The following LGI3 variants were observed in gnomAD, a reference collection of about 807,000 sequenced individuals.
LGI3 encodes the protein leucine rich repeat LGI family member 3, also known as leucine-rich repeat LGI family member 3.
A neutral mutation model predicts 55.4 loss-of-function variants in LGI3; 47 were observed. The ratio of observed to expected loss-of-function variants is 0.85; its 90% CI spans 0.67 to 1.08. LGI3 has a LOEUF of 1.08. Among genes scored for constraint, LGI3 ranks in the 50% least tolerant of loss-of-function variants. LGI3 has a pLI of 0.00. For synonymous variants in LGI3, 326 were observed against 315.0 expected, an observed-to-expected ratio of 1.04 and a Z score of -0.37; for missense variants, 664 against 726.3, an observed-to-expected ratio of 0.91 and a Z score of 0.99.
In LGI3 at chr8:22,156,523, C is replaced by T. The variant is rs1440460139; in HGVS notation, c.20G>A (p.Arg7Lys). The part of the protein sequence containing the change: MAGLRA[R>K]GGPGPGLLAL... ...CAGCAGCCCCGGCCCCGGGCCCCCCCTGGCCCGCAGCCCCGCCATGCTGCC... is the reference window on the plus strand; with the variant it reads ...CAGCAGCCCCGGCCCCGGGCCCCCCTTGGCCCGCAGCCCCGCCATGCTGCC... Residue 7 changes from arginine (R) to lysine (K), a missense_variant, in exon 1 of 8, where the codon AGG becomes AAG. Physicochemically the swap from Arg to Lys is conservative, Grantham distance 26 (BLOSUM62 2). Transcript: ENST00000306317. 4.1e-5 allele frequency: 55 copies of T among 1,355,726 alleles called. No individual in the cohort carries two copies. Among genetic ancestry groups the T allele is most frequent in the Non-Finnish European group, 5.1e-5 (54 of 1,051,580 alleles). 84.0% of individuals were successfully genotyped at this position (1,355,726 alleles called of 1,614,324 possible).
intron 7 of LGI3, among the ~76,000 whole-genome samples, chr8:22,150,581 A>G (rs1208257981): frequency 1.3e-5 from 2 of 151,948 alleles, no homozygotes; most frequent in African/African-American, 2.4e-5. Flanking sequence ...GATGGTCTCA[A>G]TCTCCTGACC....
Position 22,151,815 on chromosome 8 carries a change from C to A in LGI3, c.664+16G>T. 1.3e-6 allele frequency: 2 copies of A among 1,593,840 alleles called. No homozygotes were observed. Among genetic ancestry groups the A allele is most frequent in the South Asian group, 1.1e-5 (1 of 88,712 alleles). ...GGTAGGCGTGGACTGACACCCAAGG[C>A]AGGGGCACCTCCTACCTGTGGTGAT... On this transcript the variant is annotated intron_variant, in intron 6 of 7. Coordinates refer to ENST00000306317, the MANE Select transcript of LGI3 (RefSeq NM_139278.4).
intron 2 of LGI3, chr8:22,154,899 G>T (rs541179093): frequency 2.2e-4 from 113 of 508,344 alleles, no homozygotes; most frequent in African/African-American, 2.1e-3. Context: ...CTCCCGGGTG[G>T]CATCTCCTCT....
At position 22,152,332 on chromosome 8, in the gene LGI3, A is replaced by G. The variant is rs542741139; in HGVS notation, c.495-332T>C. Among the ~76,000 whole-genome samples, 28 of 152,346 alleles carry G rather than the reference A, an allele frequency of 1.8e-4. No individual in the cohort carries two copies. The South Asian group carries it at 4.8e-3, about 26-fold the overall frequency. On this transcript the variant is annotated intron_variant, in intron 5 of 7. Transcript: ENST00000306317. ...CAAGGCTTTTATTTTCTTATAAATAACAATAAATGAGTGTGGCTCTGCTAT... is the reference window on the plus strand; with the variant it reads ...CAAGGCTTTTATTTTCTTATAAATAGCAATAAATGAGTGTGGCTCTGCTAT...
Position 22,148,189 on chromosome 8 carries a change from T to C in LGI3, c.1618A>G (p.Arg540Gly). ...PSFKGQTLVY[R>G]HIVVDLSA ...GCACTGAGATCCACCACAATGTGTC[T>C]ATACACCAGCGTCTGTCCCTTGAAG... The change falls in exon 8 of 8, where the codon AGA becomes GGA. Residue 540 changes from arginine to glycine, a missense_variant. Physicochemically the swap from Arg to Gly is moderately radical, Grantham distance 125. Coordinates refer to ENST00000306317, the MANE Select transcript of LGI3 (RefSeq NM_139278.4). The surrounding 1 kb of genome is among the most constrained non-coding windows in gnomAD (Gnocchi z 7.0). 1.2e-6 allele frequency: 2 copies of C among 1,611,002 alleles called. No individual in the cohort carries two copies. Among genetic ancestry groups the C allele is most frequent in the Non-Finnish European group, 1.7e-6 (2 of 1,178,646 alleles).
rs144887734 is a variant in LGI3, at chr8:22,151,964, C to G, written c.531G>C (p.Lys177Asn). The change falls in exon 6 of 8, where the codon AAG (lysine) becomes AAC (asparagine). Residue 177 changes from lysine (K) to asparagine (N), a missense_variant. By Grantham distance (94) the Lys-to-Asn change is moderately conservative (BLOSUM62 0). Coordinates refer to ENST00000306317, the MANE Select transcript of LGI3 (RefSeq NM_139278.4). ...LRGNSLNCDC[K>N]VKWLVEWLAH... is the part of the protein sequence containing the mutation. Reference sequence around the variant, plus strand: ...CCAGCCACTCCACCAACCACTTCACCTTGCAGTCACAGTTGAGTGAGTTGC... The same window carrying G: ...CCAGCCACTCCACCAACCACTTCACGTTGCAGTCACAGTTGAGTGAGTTGC... The G allele has an allele frequency of 1.3e-4, 212 of 1,610,696 alleles. No individual in the cohort carries two copies. The highest frequency in any genetic ancestry group is 1.7e-4 in the Non-Finnish European group (201 of 1,177,926).
chr8:22,149,512 C>G (rs1827351076), intron 7 of LGI3, among the ~76,000 whole-genome samples: 1 of 152,114 alleles, frequency 6.6e-6, no homozygotes, highest in African/African-American at 2.4e-5. Flanking sequence ...TTAGGTATAC[C>G]CAAGACACCT....
At position 22,151,451 on chromosome 8, in the gene LGI3, CT is replaced by C. The variant is rs761898477; in HGVS notation, c.829+37del. 3.0e-5 allele frequency: 48 copies of C among 1,606,298 alleles called. No homozygotes were observed. The Middle Eastern group carries it at 9.9e-4, about 33-fold the overall frequency. On this transcript the variant is annotated intron_variant, in intron 7 of 7. Coordinates refer to ENST00000306317, the MANE Select transcript of LGI3 (RefSeq NM_139278.4). ...CGATGGAGCCCACTCCCCCCTCCCC[CT>C]AGCAAGGGCCAGCAGAACCAGATTG... is the stretch of plus-strand genomic sequence containing the variant.
At chr8:22,149,817 A>G (rs1016496111) in intron 7 of LGI3, among the ~76,000 whole-genome samples, 1 of 151,518 alleles carries the variant, frequency 6.6e-6, no homozygotes, top group African/African-American at 2.4e-5. Flanking sequence ...TCTGGCAGTC[A>G]CTGCCTAAAT....
intron 6 of LGI3, 61 bp downstream of exon 6, chr8:22,151,770 T>A: frequency 1.3e-6 from 2 of 1,572,238 alleles, no homozygotes. Flanking sequence ...GGGGGTTTCG[T>A]GTCTGTAAAG....
Position 22,156,555 on chromosome 8 carries a change from C to G in LGI3, c.-13G>C. 1 of 1,177,336 alleles carries G rather than the reference C, an allele frequency of 8.5e-7. No individual in the cohort carries two copies. Among genetic ancestry groups the G allele is most frequent in the Non-Finnish European group, 1.1e-6 (1 of 908,864 alleles). 72.9% of individuals were successfully genotyped at this position (1,177,336 alleles called of 1,614,324 possible). A position where few individuals can be genotyped will look rare whatever the true frequency, so the allele number is the denominator to read the frequency against. ...GCAGCCCCGCCATGCTGCCCGCGAT[C>G]TCTCCCTGGGGCCGGCGGCCGCGGC... On this transcript the variant is annotated 5_prime_UTR_variant, in exon 1 of 8. Coordinates refer to ENST00000306317, the MANE Select transcript of LGI3 (RefSeq NM_139278.4).
Position 22,156,495 on chromosome 8 carries a change from C to A in LGI3, c.48G>T (p.Ala16=). The A allele has an allele frequency of 7.1e-7, 1 of 1,412,110 alleles. No homozygotes were observed. Among genetic ancestry groups the A allele is most frequent in the Non-Finnish European group, 9.2e-7 (1 of 1,083,394 alleles). 87.5% of individuals were successfully genotyped at this position (1,412,110 alleles called of 1,614,324 possible). The change falls in exon 1 of 8, where the codon GCG becomes GCT. Residue 16 remains alanine (A), a synonymous_variant. Transcript: ENST00000306317. The part of the protein sequence containing the change: ...ARGGPGPGLL[A]LSALGFCLML... Reference sequence around the variant, plus strand: ...TGAGGCAGAAGCCGAGCGCGGAGAGCGCCAGCAGCCCCGGCCCCGGGCCCC... The same window carrying A: ...TGAGGCAGAAGCCGAGCGCGGAGAGAGCCAGCAGCCCCGGCCCCGGGCCCC...
chr8:22,154,394 C>T (rs1444445820), intron 3 of LGI3, 166 bp downstream of exon 3: 7 of 778,282 alleles, frequency 9.0e-6, no homozygotes, highest in Middle Eastern at 3.2e-4. Context: ...ATGAATGAAA[C>T]GACCTTCTGC....
At chr8:22,149,017 C>T (rs772836964) in intron 7 of LGI3, 40 bp from the exon 8 acceptor site, 31 of 1,476,408 alleles carry the variant, frequency 2.1e-5, no homozygotes, top group African/African-American at 1.8e-4. Flanking sequence ...GGCAGGCCGG[C>T]GGCTCCCACT....
rs1291876665 is a variant in LGI3, at chr8:22,151,932, G to C, written c.563C>G (p.Thr188Ser). The C allele has an allele frequency of 1.2e-6, 2 of 1,613,092 alleles. No homozygotes were observed. The highest frequency in any genetic ancestry group is 1.7e-6 in the Non-Finnish European group (2 of 1,179,924). ...GTAGATGGGTGCCACCGTGGTGTTG[G>C]TGTGTGCCAGCCACTCCACCAACCA... ...VKWLVEWLAH[T>S]NTTVAPIYCA... Residue 188 changes from threonine to serine, a missense_variant, in exon 6 of 8, where the codon ACC (threonine) becomes AGC (serine). Physicochemically the swap from Thr to Ser is moderately conservative, Grantham distance 58. Transcript: ENST00000306317.
intron 5 of LGI3, among the ~76,000 whole-genome samples, chr8:22,152,330 T>C (rs1318495682): frequency 6.6e-6 from 1 of 152,204 alleles, no homozygotes; most frequent in Admixed American, 6.5e-5. Context: ...TTCTTATAAA[T>C]AACAATAAAT....
Position 22,148,602 on chromosome 8 carries a change from T to A in LGI3, c.1205A>T (p.Tyr402Phe). The A allele has an allele frequency of 6.2e-7, 1 of 1,613,910 alleles. No individual in the cohort carries two copies. The highest frequency in any genetic ancestry group is 1.7e-5 in the Admixed American group (1 of 60,028). Residue 402 changes from tyrosine to phenylalanine, a missense_variant, in exon 8 of 8, where the codon TAT (tyrosine) becomes TTT (phenylalanine). Tyr to Phe is a conservative substitution (Grantham distance 22, BLOSUM62 3). Coordinates refer to ENST00000306317, the MANE Select transcript of LGI3 (RefSeq NM_139278.4). The surrounding 1 kb of genome is among the most constrained non-coding windows in gnomAD (Gnocchi z 7.0). Reference sequence around the variant, plus strand: ...CTGCTTCTGGGTGCGACTCCACTGATAGATGACGGGTGCCTGGGAGCTGCT... The same window carrying A: ...CTGCTTCTGGGTGCGACTCCACTGAAAGATGACGGGTGCCTGGGAGCTGCT... Reference protein sequence around the residue: ...VSSSSQAPVIYQWSRTQKQFV... With the variant: ...VSSSSQAPVIFQWSRTQKQFV...
At chr8:22,154,245 A>T (rs1473893381) in intron 3 of LGI3, 32 bp from the exon 4 acceptor site, 1 of 1,575,152 alleles carries the variant, frequency 6.3e-7, no homozygotes. Flanking sequence ...CTCAGTGCTC[A>T]CACAGGATGC....
rs756068395 is a variant in LGI3, at chr8:22,148,654, C to T, written c.1153G>A (p.Glu385Lys). ...RDTDLEFVDG[E>K]GKPRLIVSSS... ...GACACAATCAGCCGTGGCTTGCCCT[C>T]GCCGTCCACAAACTCCAGGTCGGTG... The change falls in exon 8 of 8, where the codon GAG becomes AAG. Residue 385 changes from glutamate to lysine, a missense_variant. Physicochemically the swap from Glu to Lys is moderately conservative, Grantham distance 56. Coordinates refer to ENST00000306317, the MANE Select transcript of LGI3 (RefSeq NM_139278.4). This position sits in a 1 kb window ranked among gnomAD's most constrained non-coding sequence, Gnocchi z 7.0. 9 of 1,613,992 alleles carry T rather than the reference C, an allele frequency of 5.6e-6. No homozygotes were observed. Among genetic ancestry groups the T allele is most frequent in the Middle Eastern group, 3.3e-4 (2 of 6,060 alleles).
Sources: gnomAD v4.1 joint callset for allele counts (sites outside exome capture counted in the v4.1 genomes callset) on GRCh38, gnomAD v4.1.1 for gene constraint, Gnocchi (gnomAD v3.1) non-coding constraint, MANE v1.5 for transcripts, NCBI Gene and HGNC (gene_info 2026-07-23, HGNC 2026-07-21) for gene names.